GABRB1: variants seen among roughly 807,000 people sequenced by gnomAD.
GABRB1 encodes gamma-aminobutyric acid type A receptor subunit beta1.
Under a neutral mutation model 51.6 loss-of-function variants are expected in GABRB1, and 17 were observed. The ratio of observed to expected loss-of-function variants is 0.33; its 90% CI spans 0.23 to 0.49. The LOEUF (loss-of-function observed/expected upper bound fraction) is 0.49, where lower values mean the gene tolerates loss of function less well. Among genes scored for constraint, GABRB1 ranks in the 20% least tolerant of loss-of-function variants. The pLI is 0.99. For synonymous variants in GABRB1, 247 were observed against 218.9 expected (o/e 1.13, Z -1.14); for missense variants, 410 against 600.6 (o/e 0.68, Z 3.32).
intron 3 of GABRB1, among the ~76,000 whole-genome samples, chr4:47,160,172 C>G (rs567771806): frequency 2.2e-4 from 34 of 151,996 alleles, no homozygotes; most frequent in Non-Finnish European, 4.7e-4. Context: ...CCAGGGGAAA[C>G]CTAAGTAGAA....
chr4:47,070,409 G>A (rs1727282400), intron 3 of GABRB1, among the ~76,000 whole-genome samples: 1 of 151,620 alleles, frequency 6.6e-6, no homozygotes, highest in South Asian at 2.1e-4. Flanking sequence ...TCACCTGACT[G>A]CAACCTCCAC....
At chr4:47,251,436 G>T (rs964072010) in intron 4 of GABRB1, among the ~76,000 whole-genome samples, 3 of 152,198 alleles carry the variant, frequency 2.0e-5, no homozygotes, top group Non-Finnish European at 4.4e-5. Flanking sequence ...CTGCCAGGAG[G>T]TGGTGCTTTC....
At chr4:47,078,962 C>T (rs1476645166) in intron 3 of GABRB1, among the ~76,000 whole-genome samples, 1 of 152,126 alleles carries the variant, frequency 6.6e-6, no homozygotes, top group Middle Eastern at 3.2e-3. Context: ...GGGATGAAGC[C>T]CACTTGATCA....
chr4:47,384,912 C>A (rs1049224458), intron 5 of GABRB1, among the ~76,000 whole-genome samples: 10 of 152,126 alleles, frequency 6.6e-5, no homozygotes, highest in African/African-American at 2.2e-4. Flanking sequence ...ATAGATTAGG[C>A]ATTCTTAACA....
chr4:47,246,666 A>T (rs1422932957), intron 4 of GABRB1, among the ~76,000 whole-genome samples: 2 of 151,496 alleles, frequency 1.3e-5, no homozygotes, highest in Admixed American at 1.3e-4. Context: ...GTGTTCCCTG[A>T]TCACTGCATC....
chr4:47,265,279 T>G (rs1194070848), intron 4 of GABRB1, among the ~76,000 whole-genome samples: 1 of 152,186 alleles, frequency 6.6e-6, no homozygotes, highest in Non-Finnish European at 1.5e-5. Flanking sequence ...AAGACATATT[T>G]CATTGTTTTT....
intron 8 of GABRB1, among the ~76,000 whole-genome samples, chr4:47,424,811 A>G (rs933389259): frequency 6.6e-6 from 1 of 152,140 alleles, no homozygotes; most frequent in Non-Finnish European, 1.5e-5. Context: ...CTGTGCTCAC[A>G]TTTTCTGTAG....
chr4:47,055,196 T>C (rs906139705), intron 3 of GABRB1, among the ~76,000 whole-genome samples: 3 of 152,196 alleles, frequency 2.0e-5, no homozygotes, highest in African/African-American at 4.8e-5. Flanking sequence ...AACAAAGTAA[T>C]TTAATTGTTT....
intron 5 of GABRB1, among the ~76,000 whole-genome samples, chr4:47,380,702 A>G (rs961341292): frequency 6.6e-6 from 1 of 152,218 alleles, no homozygotes; most frequent in African/African-American, 2.4e-5. Context: ...ATTTAACTGT[A>G]CATCTCCTTG....
intron 4 of GABRB1, among the ~76,000 whole-genome samples, chr4:47,162,525 C>G (rs1026667951): frequency 4.0e-5 from 6 of 151,824 alleles, no homozygotes; most frequent in Non-Finnish European, 8.8e-5. Context: ...TCAGGCATTT[C>G]CCAAATTATT....
intron 1 of GABRB1, among the ~76,000 whole-genome samples, chr4:46,997,501 C>T (rs1374756871): frequency 6.6e-6 from 1 of 151,532 alleles, no homozygotes; most frequent in Non-Finnish European, 1.5e-5. Context: ...TCCTAAATTC[C>T]CCCCTACCAT....
At chr4:47,396,221 G>C (rs1431522204) in intron 5 of GABRB1, among the ~76,000 whole-genome samples, 1 of 152,140 alleles carries the variant, frequency 6.6e-6, no homozygotes, top group African/African-American at 2.4e-5. Flanking sequence ...TGAAGAGAGA[G>C]AGAATGAGAG....
At chr4:47,108,102 T>C (rs1471143349) in intron 3 of GABRB1, among the ~76,000 whole-genome samples, 1 of 152,082 alleles carries the variant, frequency 6.6e-6, no homozygotes, top group African/African-American at 2.4e-5. Context: ...GGTAATTTTA[T>C]ATTCACAACA....
At chr4:47,106,877 C>T (rs1714994168) in intron 3 of GABRB1, among the ~76,000 whole-genome samples, 1 of 152,102 alleles carries the variant, frequency 6.6e-6, no homozygotes, top group South Asian at 2.1e-4. Flanking sequence ...GTGATTCTCC[C>T]TTCATGGCCT....
At chr4:47,122,668 G>A (rs1325204462) in intron 3 of GABRB1, among the ~76,000 whole-genome samples, 1 of 152,108 alleles carries the variant, frequency 6.6e-6, no homozygotes, top group African/African-American at 2.4e-5. Flanking sequence ...GTCTCTGAGG[G>A]GAAGTATGAT....
chr4:47,292,957 G>A (rs1277634489), intron 4 of GABRB1, among the ~76,000 whole-genome samples: 2 of 152,034 alleles, frequency 1.3e-5, no homozygotes, highest in Non-Finnish European at 2.9e-5. Flanking sequence ...TTTTAATATT[G>A]TTACAATGGC....
Position 47,249,126 on chromosome 4 carries a change from C to CT in GABRB1, c.462-70996dup, listed in dbSNP as rs570195320. 8.2e-4 allele frequency among the ~76,000 whole-genome samples: 124 copies of CT among 152,130 alleles called. 1 individual carries two copies. The South Asian group carries it at 0.025, about 30-fold the overall frequency. The stretch of plus-strand genomic sequence containing the variant: ...GAATGTCCATTTGTACTCTTTCAGT[C>CT]TTTTTGATGTAGGCATTTAGGGATA... On this transcript the variant is annotated intron_variant, in intron 4 of 8. Transcript: ENST00000295454.
rs371338523 is a variant in GABRB1, at chr4:47,156,293, T to C, written c.241-4956T>C. Among the ~76,000 whole-genome samples, 62 of 152,204 alleles carry C rather than the reference T, an allele frequency of 4.1e-4. 1 individual carries two copies. Among genetic ancestry groups the C allele is most frequent in the African/African-American group, 1.5e-3 (62 of 41,564 alleles). Reference sequence around the variant, plus strand: ...GTCAGATGATATCTCATTGTGGTTTTGATTTGCTTTTCTCTGATGATTAGT... The same window carrying C: ...GTCAGATGATATCTCATTGTGGTTTCGATTTGCTTTTCTCTGATGATTAGT... On this transcript the variant is annotated intron_variant, in intron 3 of 8. Coordinates refer to ENST00000295454, the MANE Select transcript of GABRB1 (RefSeq NM_000812.4).
intron 5 of GABRB1, among the ~76,000 whole-genome samples, chr4:47,388,460 C>T (rs1232599161): frequency 6.6e-6 from 1 of 152,012 alleles, no homozygotes; most frequent in African/African-American, 2.4e-5. Context: ...TGTGTTAGGT[C>T]CTAGATCTGG....
Sources: gnomAD v4.1 joint callset for allele counts (sites outside exome capture counted in the v4.1 genomes callset) on GRCh38, gnomAD v4.1.1 for gene constraint, MANE v1.5 for transcripts, NCBI Gene and HGNC (gene_info 2026-07-23, HGNC 2026-07-21) for gene names.